Variants in ASIC2 observed in about 807,000 individuals in gnomAD.
ASIC2 encodes the protein acid-sensing ion channel 2.
Under a neutral mutation model 57.3 loss-of-function variants are expected in ASIC2, and 25 were observed. The ratio of observed to expected loss-of-function variants is 0.44; its 90% CI spans 0.32 to 0.61. The LOEUF is 0.61. ASIC2 is among the 20% of genes least tolerant of loss of function. ASIC2 has a pLI of 0.06. For synonymous variants in ASIC2, 319 were observed against 307.5 expected, an observed-to-expected ratio of 1.04 and a Z score of -0.39; for missense variants, 641 against 738.1, an observed-to-expected ratio of 0.87 and a Z score of 1.52.
At chr17:33,618,600 A>G (rs552753096) in intron 1 of ASIC2, among the ~76,000 whole-genome samples, 3 of 152,244 alleles carry the variant, frequency 2.0e-5, no homozygotes, top group East Asian at 3.9e-4. Context: ...CTCCTCATCC[A>G]TGTATCTGAA....
At chr17:33,625,612 T>G (rs977010925) in intron 1 of ASIC2, among the ~76,000 whole-genome samples, 7 of 152,240 alleles carry the variant, frequency 4.6e-5, no homozygotes, top group African/African-American at 1.7e-4. Context: ...GATTAAAACA[T>G]GGACCTATAG....
intron 1 of ASIC2, among the ~76,000 whole-genome samples, chr17:33,565,033 C>T (rs935064008): frequency 5.9e-5 from 9 of 152,132 alleles, no homozygotes; most frequent in African/African-American, 1.9e-4. Flanking sequence ...AATCTCTGTT[C>T]GGGGATCTCA....
chr17:33,690,767 T>TTTTTC (rs1491383033), intron 1 of ASIC2, among the ~76,000 whole-genome samples: 1 of 110,226 alleles, frequency 9.1e-6, no homozygotes, highest in African/African-American at 4.2e-5. Context: ...TTTTTTTTTT[T>TTTTTC]GAGACGGAGT....
chr17:33,990,878 G>T (rs1207104900), intron 1 of ASIC2, among the ~76,000 whole-genome samples: 1 of 152,154 alleles, frequency 6.6e-6, no homozygotes, highest in Non-Finnish European at 1.5e-5. Context: ...AATGAACTAT[G>T]AATAATCACA....
At chr17:33,201,079 T>C (rs947078508) in intron 1 of ASIC2, among the ~76,000 whole-genome samples, 1 of 152,166 alleles carries the variant, frequency 6.6e-6, no homozygotes, top group Non-Finnish European at 1.5e-5. Flanking sequence ...ACCTAAAATT[T>C]CACCTCCCAA....
chr17:33,773,822 T>C (rs1406179897), intron 1 of ASIC2, among the ~76,000 whole-genome samples: 1 of 151,642 alleles, frequency 6.6e-6, no homozygotes, highest in Non-Finnish European at 1.5e-5. Context: ...GCCTGGCTAA[T>C]TTAAATTTTA....
intron 1 of ASIC2, among the ~76,000 whole-genome samples, chr17:33,498,070 T>G (rs1401656732): frequency 2.0e-5 from 3 of 152,368 alleles, no homozygotes; most frequent in African/African-American, 7.2e-5. Context: ...ATGTGTGCTG[T>G]GTCTTTTGTC....
At chr17:33,937,785 T>TTTTGTTTG (rs1014662579) in intron 1 of ASIC2, among the ~76,000 whole-genome samples, 1 of 152,116 alleles carries the variant, frequency 6.6e-6, no homozygotes, top group African/African-American at 2.4e-5. Context: ...TCATTGAGAG[T>TTTTGTTTG]TTTGTTTGTT....
chr17:33,259,541 C>T (rs191146564), intron 1 of ASIC2, among the ~76,000 whole-genome samples: 2 of 151,988 alleles, frequency 1.3e-5, no homozygotes, highest in East Asian at 3.9e-4. Context: ...GCCCCCTTTA[C>T]TGAGCAGTAA....
chr17:33,261,992 G>A (rs528262785), intron 1 of ASIC2, among the ~76,000 whole-genome samples: 12 of 152,316 alleles, frequency 7.9e-5, no homozygotes, highest in Non-Finnish European at 1.8e-4. Flanking sequence ...CTTGGGGCCC[G>A]CTCCAGGGCA....
At chr17:33,972,352 C>G (rs1423926559) in intron 1 of ASIC2, among the ~76,000 whole-genome samples, 1 of 152,084 alleles carries the variant, frequency 6.6e-6, no homozygotes, top group Non-Finnish European at 1.5e-5. Flanking sequence ...ATACTCACAT[C>G]CAGTCTCTCT....
At chr17:33,975,801 C>G (rs1018627415) in intron 1 of ASIC2, among the ~76,000 whole-genome samples, 2 of 152,122 alleles carry the variant, frequency 1.3e-5, no homozygotes, top group African/African-American at 4.8e-5. Context: ...CACCTCACCT[C>G]TTCTTTCCCT....
intron 1 of ASIC2, among the ~76,000 whole-genome samples, chr17:33,650,519 C>T (rs1227116058): frequency 6.6e-6 from 1 of 152,160 alleles, no homozygotes; most frequent in Non-Finnish European, 1.5e-5. Flanking sequence ...ACACAAAAAT[C>T]AGTATGCAAA....
intron 1 of ASIC2, among the ~76,000 whole-genome samples, chr17:33,207,514 C>G (rs1049816772): frequency 6.6e-6 from 1 of 152,216 alleles, no homozygotes; most frequent in Non-Finnish European, 1.5e-5. Flanking sequence ...CAGGGACAGA[C>G]TGTCGGTTCC....
intron 1 of ASIC2, among the ~76,000 whole-genome samples, chr17:34,095,670 TAGAGAGAG>T (rs796583537): frequency 3.8e-4 from 35 of 92,542 alleles, no homozygotes; most frequent in Non-Finnish European, 5.7e-4. Context: ...TATATATATA[TAGAGAGAG>T]AGATATATAT....
chr17:33,909,689 T>C (rs1915420779), intron 1 of ASIC2, among the ~76,000 whole-genome samples: 1 of 152,258 alleles, frequency 6.6e-6, no homozygotes, highest in South Asian at 2.1e-4. Context: ...TTTAATTCTA[T>C]TTATTTTGCT....
chr17:33,283,035 A>C (rs141563628), intron 1 of ASIC2, among the ~76,000 whole-genome samples: 49 of 152,260 alleles, frequency 3.2e-4, no homozygotes, highest in African/African-American at 1.1e-3. Context: ...TGGCCTTTGC[A>C]CTTTGGTTTG....
intron 1 of ASIC2, among the ~76,000 whole-genome samples, chr17:33,858,390 G>A (rs965573914): frequency 1.5e-4 from 23 of 152,324 alleles, no homozygotes; most frequent in African/African-American, 5.3e-4. Context: ...CCTGGTGGCT[G>A]CAGAGAAATG....
intron 1 of ASIC2, among the ~76,000 whole-genome samples, chr17:33,712,613 T>G (rs573655185): frequency 6.6e-6 from 1 of 151,094 alleles, no homozygotes; most frequent in East Asian, 1.9e-4. Context: ...GGTGGAGCTT[T>G]GCTTCCAAGC....
Sources: gnomAD v4.1 joint callset for allele counts (sites outside exome capture counted in the v4.1 genomes callset) on GRCh38, gnomAD v4.1.1 for gene constraint, MANE v1.5 for transcripts, NCBI Gene and HGNC (gene_info 2026-07-23, HGNC 2026-07-21) for gene names.